HEG1: variants seen among roughly 807,000 people sequenced by gnomAD.
The protein encoded by HEG1 is heart development protein with EGF like domains 1, also known as protein HEG homolog 1.
Under a neutral mutation model 125.6 loss-of-function variants are expected in HEG1, and 56 were observed. That is an observed-to-expected ratio of 0.45 (90% CI 0.36 to 0.56). The LOEUF is 0.56. Among genes scored for constraint, HEG1 ranks in the 20% least tolerant of loss-of-function variants. The pLI is 0.00. For synonymous variants in HEG1, 644 were observed against 668.5 expected, an observed-to-expected ratio of 0.96 and a Z score of 0.57; for missense variants, 1,523 against 1,670.0, an observed-to-expected ratio of 0.91 and a Z score of 1.53.
chr3:124,995,957 C>T (rs1400126163), intron 12 of HEG1, among the ~76,000 whole-genome samples: 1 of 152,202 alleles, frequency 6.6e-6, no homozygotes, highest in African/African-American at 2.4e-5. Context: ...ACACTGTTCA[C>T]AGGGAACACC....
In HEG1 at chr3:125,013,590, A is replaced by AGAG. The variant is rs747301827; in HGVS notation, c.1986_1988dup (p.Ser672dup). The AGAG allele has an allele frequency of 6.3e-6, 10 of 1,596,814 alleles. No individual in the cohort carries two copies. The highest frequency in any genetic ancestry group is 2.3e-5 in the East Asian group (1 of 44,014). On this transcript the variant is annotated inframe_insertion, in exon 6 of 17. Coordinates refer to ENST00000311127, the MANE Select transcript of HEG1 (RefSeq NM_020733.2). The stretch of plus-strand genomic sequence containing the variant: ...AAGAAGAAGAAGAGGAGGAGGAGGA[A>AGAG]GAGGAGGAGGAGGAGTCACTAACAA...
rs1391641327 is a variant in HEG1, at chr3:124,968,787, C to G, written c.*1865G>C. On this transcript the variant is annotated 3_prime_UTR_variant, in exon 17 of 17. Coordinates refer to ENST00000311127, the MANE Select transcript of HEG1 (RefSeq NM_020733.2). ...CAGAACTCTCCAGTTAGGTGCGAGG[C>G]CGTGAGCCACAAAGGGCCATTGGTT... is the stretch of plus-strand genomic sequence containing the variant. 1 of 152,182 alleles carries G rather than the reference C, an allele frequency of 6.6e-6. No homozygotes were observed. Among genetic ancestry groups the G allele is most frequent in the Non-Finnish European group, 1.5e-5 (1 of 68,042 alleles). 9.4% of individuals were successfully genotyped at this position (152,182 alleles called of 1,614,324 possible). A position where few individuals can be genotyped will look rare whatever the true frequency, so the allele number is the denominator to read the frequency against.
At chr3:125,018,943 T>C (rs961373698) in intron 5 of HEG1, among the ~76,000 whole-genome samples, 1 of 147,818 alleles carries the variant, frequency 6.8e-6, no homozygotes, top group African/African-American at 2.5e-5. Context: ...CTCAGCTAAC[T>C]GCAACCTCCA....
At position 124,967,883 on chromosome 3, in the gene HEG1, A is replaced by T. The variant is rs1016917177; in HGVS notation, c.*2769T>A. ...AGGGGCAGAGGAAAAGACAATGGCA[A>T]TAAGACCCTCTGGAGCTTAAACCAA... is the stretch of plus-strand genomic sequence containing the variant. On this transcript the variant is annotated 3_prime_UTR_variant, in exon 17 of 17. Coordinates refer to ENST00000311127, the MANE Select transcript of HEG1 (RefSeq NM_020733.2). 6.6e-6 allele frequency: 1 copy of T among 152,308 alleles called. No individual in the cohort carries two copies. The highest frequency in any genetic ancestry group is 1.5e-5 in the Non-Finnish European group (1 of 68,140). The allele number at this position is 152,308 out of a possible 1,614,324, so 9.4% of individuals were successfully genotyped here.
At chr3:125,025,260 A>C (rs910194345) in intron 3 of HEG1, among the ~76,000 whole-genome samples, 1 of 152,156 alleles carries the variant, frequency 6.6e-6, no homozygotes, top group African/African-American at 2.4e-5. Flanking sequence ...TTGTACATGT[A>C]CCCTCTGCAT....
At chr3:125,048,335 C>T (rs556019701) in intron 1 of HEG1, among the ~76,000 whole-genome samples, 12 of 152,336 alleles carry the variant, frequency 7.9e-5, no homozygotes, top group East Asian at 7.7e-4. Flanking sequence ...GGACCCTCCA[C>T]GGCACCTAGA....
intron 11 of HEG1, among the ~76,000 whole-genome samples, chr3:124,998,871 G>T: frequency 6.6e-6 from 1 of 152,014 alleles, no homozygotes. Context: ...GTTGTTATTG[G>T]GGGGCAAGCT....
chr3:124,995,846 A>G (rs1936913620), intron 12 of HEG1, among the ~76,000 whole-genome samples: 1 of 152,216 alleles, frequency 6.6e-6, no homozygotes, highest in Admixed American at 6.5e-5. Flanking sequence ...AGCTATTGTT[A>G]ATGCTAGCCT....
chr3:125,050,469 C>T (rs1041004910), intron 1 of HEG1, among the ~76,000 whole-genome samples: 12 of 152,186 alleles, frequency 7.9e-5, no homozygotes, highest in African/African-American at 2.9e-4. Context: ...TGTCTATCCA[C>T]ATCCCAGTCA....
At chr3:124,991,150 C>CTT (rs140940360) in intron 12 of HEG1, among the ~76,000 whole-genome samples, 164 bp from the exon 13 acceptor site, 2,279 of 134,190 alleles carry the variant, frequency 0.017, 26 homozygotes, top group Non-Finnish European at 0.026. Context: ...CGGCACAACT[C>CTT]TTTTTTTTTT....
rs781353075 is a variant in HEG1, at chr3:125,009,696, G to A, written c.3193+9C>T. On this transcript the variant is annotated intron_variant, in intron 8 of 16. Coordinates refer to ENST00000311127, the MANE Select transcript of HEG1 (RefSeq NM_020733.2). ...CGGAATAAAGTCCGAAATAGACTAA[G>A]TCTCTTACCCAAATTGCATATCCCT... The A allele has an allele frequency of 6.2e-7, 1 of 1,609,290 alleles. No homozygotes were observed. The highest frequency in any genetic ancestry group is 8.5e-7 in the Non-Finnish European group (1 of 1,176,962).
chr3:125,040,859 T>C (rs974448272), intron 1 of HEG1, among the ~76,000 whole-genome samples: 1 of 151,988 alleles, frequency 6.6e-6, no homozygotes, highest in Non-Finnish European at 1.5e-5. Flanking sequence ...CAGATCAAAT[T>C]AAGAAAAAAA....
intron 5 of HEG1, among the ~76,000 whole-genome samples, chr3:125,018,339 G>A (rs116489018): frequency 9.3e-4 from 142 of 152,290 alleles, no homozygotes; most frequent in African/African-American, 3.3e-3. Flanking sequence ...GAGACAGAAA[G>A]CACAGGAGTG....
Position 124,987,952 on chromosome 3 carries a change from C to CACACACACACATAT in HEG1, c.3733+2834_3733+2835insATATGTGTGTGTGT. Among the ~76,000 whole-genome samples the CACACACACACATAT allele has an allele frequency of 5.3e-4, 29 of 54,700 alleles. 1 individual carries two copies. Among genetic ancestry groups the CACACACACACATAT allele is most frequent in the East Asian group, 2.8e-3 (6 of 2,122 alleles). 35.9% of individuals were successfully genotyped at this position (54,700 alleles called of 152,430 possible). On this transcript the variant is annotated intron_variant, in intron 14 of 16. Transcript: ENST00000311127. ...ACACACACACACACACACACACACA[C>CACACACACACATAT]ATATATATATATATATATATATACC...
At chr3:124,984,589 C>T (rs1172567812) in intron 14 of HEG1, among the ~76,000 whole-genome samples, 1 of 151,762 alleles carries the variant, frequency 6.6e-6, no homozygotes, top group Non-Finnish European at 1.5e-5. Context: ...TGAAAACCTG[C>T]CTCTACTAAA....
intron 4 of HEG1, among the ~76,000 whole-genome samples, chr3:125,020,443 T>G (rs556384414): frequency 1.9e-4 from 29 of 151,850 alleles, no homozygotes; most frequent in Non-Finnish European, 3.7e-4. Context: ...AAATAAAACA[T>G]AAAGAGTAGG....
In HEG1 at chr3:125,055,990, A is replaced by G; in HGVS notation, c.-100T>C. The G allele has an allele frequency of 1.7e-6, 1 of 591,028 alleles. No homozygotes were observed. Among genetic ancestry groups the G allele is most frequent in the Non-Finnish European group, 2.1e-6 (1 of 471,468 alleles). 36.6% of individuals were successfully genotyped at this position (591,028 alleles called of 1,614,324 possible). The stretch of plus-strand genomic sequence containing the variant: ...GGGGCCGCGCGGGGCCGGGGAAGTG[A>G]GCGGAGTGAGGCTGCGAGCGCGCTC... On this transcript the variant is annotated 5_prime_UTR_variant, in exon 1 of 17. Coordinates refer to ENST00000311127, the MANE Select transcript of HEG1 (RefSeq NM_020733.2).
intron 3 of HEG1, among the ~76,000 whole-genome samples, chr3:125,025,113 T>A (rs1450818542): frequency 6.6e-6 from 1 of 152,242 alleles, no homozygotes; most frequent in Non-Finnish European, 1.5e-5. Flanking sequence ...CTAGAGCTCC[T>A]GTATCGTGTA....
intron 14 of HEG1, among the ~76,000 whole-genome samples, chr3:124,978,512 C>G (rs1421351069): frequency 6.6e-6 from 1 of 152,072 alleles, no homozygotes; most frequent in Non-Finnish European, 1.5e-5. Flanking sequence ...TGCACCAGCC[C>G]CGATGAAATT....
Sources: gnomAD v4.1 joint callset for allele counts (sites outside exome capture counted in the v4.1 genomes callset) on GRCh38, gnomAD v4.1.1 for gene constraint, MANE v1.5 for transcripts, NCBI Gene and HGNC (gene_info 2026-07-23, HGNC 2026-07-21) for gene names.